SPIRE1: variants seen among roughly 807,000 people sequenced by gnomAD.
SPIRE1 encodes spire type actin nucleation factor 1, also known as protein spire homolog 1.
SPIRE1 carries 40 observed loss-of-function variants against 94.1 expected under a neutral mutation model. The observed-to-expected ratio is 0.43, with a 90% CI of 0.33 to 0.55. The LOEUF is 0.55. Ranked by LOEUF, SPIRE1 falls within the 20% of genes least tolerant of loss-of-function variation. SPIRE1 has a pLI of 0.06. For synonymous variants in SPIRE1, 376 were observed against 371.7 expected (o/e 1.01, Z -0.13); for missense variants, 838 against 975.2 (o/e 0.86, Z 1.87).
intron 2 of SPIRE1, among the ~76,000 whole-genome samples, chr18:12,590,241 C>T (rs2036494365): frequency 6.6e-6 from 1 of 152,130 alleles, no homozygotes; most frequent in South Asian, 2.1e-4. Flanking sequence ...GCATGTGCCA[C>T]CACGCCTGGC....
chr18:12,565,725 C>T (rs1792943980), intron 2 of SPIRE1, among the ~76,000 whole-genome samples: 1 of 149,708 alleles, frequency 6.7e-6, no homozygotes, highest in South Asian at 2.2e-4. Context: ...AGTAGACATG[C>T]CTTGCAAGGA....
intron 10 of SPIRE1, among the ~76,000 whole-genome samples, chr18:12,476,588 TACACACAC>T (rs1232520154): frequency 2.9e-5 from 3 of 104,396 alleles, no homozygotes; most frequent in Non-Finnish European, 6.0e-5. Context: ...TATATATATA[TACACACAC>T]ACACACACAC....
chr18:12,657,648 G>A lies in SPIRE1; in HGVS notation c.219C>T (p.Ala73=), dbSNP rs2038590663. The A allele has an allele frequency of 1.5e-6, 2 of 1,321,662 alleles. No individual in the cohort carries two copies. Among genetic ancestry groups the A allele is most frequent in the African/African-American group, 1.5e-5 (1 of 65,766 alleles). 81.9% of individuals were successfully genotyped at this position (1,321,662 alleles called of 1,614,324 possible). The change falls in exon 1 of 17, where the codon GCC becomes GCT. Residue 73 remains alanine (A), a synonymous_variant. Transcript: ENST00000409402. ...YQCCGSLRAA[A]RRRQPRHRVR... ...CACGGTGGCGGGGCTGGCGGCGGCG[G>A]GCGGCGGCGCGCAGGGAACCGCAGC...
intron 2 of SPIRE1, among the ~76,000 whole-genome samples, chr18:12,583,608 G>A (rs11664927): frequency 0.56 from 84,214 of 150,908 alleles, 24,552 homozygotes; most frequent in Middle Eastern, 0.75. Flanking sequence ...CTCCAAAAAA[G>A]AAGAAGAAGA....
chr18:12,475,057 G>A (rs1011311284), intron 10 of SPIRE1, among the ~76,000 whole-genome samples: 1 of 152,204 alleles, frequency 6.6e-6, no homozygotes, highest in Admixed American at 6.5e-5. Flanking sequence ...AGAGTCACTA[G>A]ATGCCAGACA....
chr18:12,476,541 CAAAAAAAAA>C (rs558968043), intron 10 of SPIRE1, among the ~76,000 whole-genome samples: 889 of 46,688 alleles, frequency 0.019, 10 homozygotes, highest in African/African-American at 0.035. Context: ...ACTCTGTCTC[CAAAAAAAAA>C]AAAAAAAAAA....
chr18:12,617,108 C>A (rs1404782936), intron 2 of SPIRE1, among the ~76,000 whole-genome samples: 1 of 150,486 alleles, frequency 6.6e-6, no homozygotes, highest in African/African-American at 2.4e-5. Context: ...GATCCTCCAG[C>A]CTCGGCCTCC....
At chr18:12,618,121 G>A (rs555720014) in intron 2 of SPIRE1, among the ~76,000 whole-genome samples, 3 of 151,604 alleles carry the variant, frequency 2.0e-5, no homozygotes, top group Admixed American at 2.0e-4. Flanking sequence ...ATTTTTTTGA[G>A]ACAGGAGTCT....
Position 12,449,185 on chromosome 18 carries a change from C to CGG in SPIRE1, c.*452_*453insCC. 5 of 161,138 alleles carry CGG rather than the reference C, an allele frequency of 3.1e-5. No homozygotes were observed. Among genetic ancestry groups the CGG allele is most frequent in the South Asian group, 1.8e-4 (1 of 5,566 alleles). The allele number at this position is 161,138 out of a possible 1,614,324, so 10.0% of individuals were successfully genotyped here. Reference sequence around the variant, plus strand: ...CCCCCAGGTCGTGGAGTGTAGGGCTCTGGATCTCTCTGTACACGGGATAGA... The same window carrying CGG: ...CCCCCAGGTCGTGGAGTGTAGGGCTCGGTGGATCTCTCTGTACACGGGATAGA... On this transcript the variant is annotated 3_prime_UTR_variant, in exon 17 of 17. Transcript: ENST00000409402.
intron 4 of SPIRE1, among the ~76,000 whole-genome samples, chr18:12,532,019 C>A (rs560234608): frequency 6.6e-6 from 1 of 152,134 alleles, no homozygotes; most frequent in Admixed American, 6.5e-5. Flanking sequence ...ACTTAACTTA[C>A]AAGGATATCA....
At chr18:12,489,203 A>G (rs1785291) in intron 8 of SPIRE1, among the ~76,000 whole-genome samples, 1 of 152,178 alleles carries the variant, frequency 6.6e-6, no homozygotes, top group Admixed American at 6.5e-5. Context: ...AGAAAGAATA[A>G]TCTTCCTTGA....
chr18:12,523,959 A>T (rs945273733), intron 4 of SPIRE1, among the ~76,000 whole-genome samples: 1 of 152,140 alleles, frequency 6.6e-6, no homozygotes, highest in Non-Finnish European at 1.5e-5. Context: ...TATTTTTTTG[A>T]TGTAATGCTA....
intron 3 of SPIRE1, among the ~76,000 whole-genome samples, chr18:12,545,015 A>G (rs954018351): frequency 1.3e-5 from 2 of 152,122 alleles, no homozygotes; most frequent in Non-Finnish European, 2.9e-5. Flanking sequence ...CTGTTAGCTC[A>G]CTTTCAGATG....
intron 2 of SPIRE1, among the ~76,000 whole-genome samples, chr18:12,580,413 T>A (rs542088732): frequency 6.6e-6 from 1 of 152,132 alleles, no homozygotes; most frequent in South Asian, 2.1e-4. Context: ...AATCTCTGCC[T>A]CCCAGGTTCA....
intron 4 of SPIRE1, among the ~76,000 whole-genome samples, chr18:12,514,757 G>T (rs2034146730): frequency 6.6e-6 from 1 of 152,068 alleles, no homozygotes. Context: ...TGCGTTTTAG[G>T]AAAATAAATC....
At chr18:12,574,571 A>G (rs960712233) in intron 2 of SPIRE1, among the ~76,000 whole-genome samples, 21 of 152,264 alleles carry the variant, frequency 1.4e-4, no homozygotes, top group Non-Finnish European at 3.1e-4. Flanking sequence ...GGCAAGTTAA[A>G]TACCTGTGGG....
chr18:12,655,831 G>A (rs2038523190), intron 1 of SPIRE1, among the ~76,000 whole-genome samples: 1 of 152,174 alleles, frequency 6.6e-6, no homozygotes, highest in African/African-American at 2.4e-5. Context: ...CACTACCAAC[G>A]CTGCTTCTAA....
At chr18:12,452,869 T>C (rs2031314655) in intron 14 of SPIRE1, among the ~76,000 whole-genome samples, 199 bp downstream of exon 14, 1 of 152,190 alleles carries the variant, frequency 6.6e-6, no homozygotes, top group Admixed American at 6.5e-5. Context: ...ATTTTCTAGG[T>C]TCAATATCAA....
At chr18:12,449,990 C>CAA in intron 16 of SPIRE1, 94 bp from the exon 17 acceptor site, 1 of 1,293,748 alleles carries the variant, frequency 7.7e-7, no homozygotes, top group Non-Finnish European at 1.1e-6. Context: ...AATTTGTTGT[C>CAA]AAAACATCAT....
Sources: allele counts gnomAD v4.1 joint callset (sites outside exome capture counted in the v4.1 genomes callset), GRCh38; gene constraint gnomAD v4.1.1; transcripts MANE v1.5; gene names NCBI Gene and HGNC (gene_info 2026-07-23, HGNC 2026-07-21).